The following SKAP1 variants were observed in gnomAD, a reference collection of about 807,000 sequenced individuals.
The protein encoded by SKAP1 is src kinase-associated phosphoprotein 1.
In SKAP1, 44 loss-of-function variants were observed where a neutral mutation model predicts 58.5. The ratio of observed to expected loss-of-function variants is 0.75; its 90% CI spans 0.59 to 0.97. The LOEUF is 0.97. Ranked by LOEUF, SKAP1 falls within the 50% of genes least tolerant of loss-of-function variation. SKAP1 has a pLI of 0.00. For synonymous variants in SKAP1, 127 were observed against 149.7 expected, an observed-to-expected ratio of 0.85 and a Z score of 1.11; for missense variants, 390 against 435.2, an observed-to-expected ratio of 0.90 and a Z score of 0.92.
intron 10 of SKAP1, 51 bp downstream of exon 10, chr17:48,170,558 A>AT: frequency 2.0e-6 from 3 of 1,479,334 alleles, no homozygotes; most frequent in Non-Finnish European, 2.8e-6. Context: ...TTCTCTAATC[A>AT]GAAGCCCATA....
At chr17:48,213,363 A>G (rs1270944922) in intron 4 of SKAP1, among the ~76,000 whole-genome samples, 1 of 151,820 alleles carries the variant, frequency 6.6e-6, no homozygotes, top group African/African-American at 2.4e-5. Flanking sequence ...AAAAAAAAAA[A>G]AAAAAAGCTG....
chr17:48,332,791 T>C (rs937905960), intron 4 of SKAP1, among the ~76,000 whole-genome samples: 1 of 152,190 alleles, frequency 6.6e-6, no homozygotes, highest in Admixed American at 6.5e-5. Context: ...TATTGGAATT[T>C]CAATAATTCA....
At chr17:48,382,181 TA>T (rs11285092) in intron 2 of SKAP1, among the ~76,000 whole-genome samples, 25,212 of 137,408 alleles carry the variant, frequency 0.18, 2,126 homozygotes, top group Non-Finnish European at 0.2. Context: ...CTATTATTCT[TA>T]AAAAAAAAAA....
intron 9 of SKAP1, among the ~76,000 whole-genome samples, chr17:48,177,117 G>A (rs534187654): frequency 2.0e-5 from 3 of 152,106 alleles, no homozygotes; most frequent in African/African-American, 4.8e-5. Context: ...ACCTGGCCTC[G>A]TAGTCAAAAT....
At chr17:48,285,924 A>C (rs1895655399) in intron 4 of SKAP1, among the ~76,000 whole-genome samples, 1 of 152,228 alleles carries the variant, frequency 6.6e-6, no homozygotes. Flanking sequence ...AAGTGTCCAC[A>C]TTGATGAAAT....
intron 4 of SKAP1, among the ~76,000 whole-genome samples, chr17:48,292,576 G>A (rs1025930008): frequency 2.0e-5 from 3 of 152,012 alleles, no homozygotes; most frequent in African/African-American, 4.8e-5. Context: ...GTATTTACAA[G>A]ATTATTAAAT....
chr17:48,318,483 C>T (rs1236612445), intron 4 of SKAP1, among the ~76,000 whole-genome samples: 1 of 152,168 alleles, frequency 6.6e-6, no homozygotes, highest in African/African-American at 2.4e-5. Context: ...GCTGTCATCA[C>T]CGTCACAATT....
At chr17:48,222,939 C>T (rs2065021387) in intron 4 of SKAP1, among the ~76,000 whole-genome samples, 1 of 150,830 alleles carries the variant, frequency 6.6e-6, no homozygotes, top group Admixed American at 6.6e-5. Context: ...AGGTGAGTGC[C>T]TGTAATCCCA....
At chr17:48,156,290 TG>T (rs949847428) in intron 11 of SKAP1, 1 of 184,902 alleles carries the variant, frequency 5.4e-6, no homozygotes, top group African/African-American at 2.3e-5. Flanking sequence ...GAAATTAAAA[TG>T]CAGCTGAGTG....
the SKAP1 span, among the ~76,000 whole-genome samples, chr17:48,443,041 C>T: frequency 6.6e-6 from 1 of 152,118 alleles, no homozygotes; most frequent in South Asian, 2.1e-4. Flanking sequence ...ATGAGTCATA[C>T]CCACTCCCAC....
chr17:48,382,220 A>G (rs901860425), intron 2 of SKAP1, among the ~76,000 whole-genome samples: 66 of 151,896 alleles, frequency 4.3e-4, no homozygotes, highest in Middle Eastern at 3.4e-3. Context: ...AGGGGAAGGG[A>G]TAGCATTAGG....
intron 4 of SKAP1, among the ~76,000 whole-genome samples, chr17:48,225,285 T>C (rs1310245719): frequency 1.3e-5 from 2 of 152,200 alleles, no homozygotes; most frequent in Non-Finnish European, 2.9e-5. Context: ...ATTTTAAAAA[T>C]CAATGAATTA....
chr17:48,251,450 C>T (rs1404162010), intron 4 of SKAP1, among the ~76,000 whole-genome samples: 1 of 152,090 alleles, frequency 6.6e-6, no homozygotes, highest in Non-Finnish European at 1.5e-5. Flanking sequence ...TTATGCAAAG[C>T]CTTGTTGTCA....
chr17:48,261,350 A>G (rs1204199750), intron 4 of SKAP1, among the ~76,000 whole-genome samples: 1 of 152,190 alleles, frequency 6.6e-6, no homozygotes, highest in Non-Finnish European at 1.5e-5. Flanking sequence ...AGCCTTAAAA[A>G]GAAATGTGGC....
chr17:48,416,275 T>G (rs964293472), intron 1 of SKAP1, among the ~76,000 whole-genome samples: 4 of 152,176 alleles, frequency 2.6e-5, no homozygotes, highest in South Asian at 4.1e-4. Context: ...CTGAATACTT[T>G]GAAGCAGTTA....
Position 48,378,350 on chromosome 17 carries a change from T to C in SKAP1, c.153-14536A>G, listed in dbSNP as rs796171098. On this transcript the variant is annotated intron_variant, in intron 2 of 12. Transcript: ENST00000336915. ...TTTTGCTGCAGCCTTAGTTTCCTCA[T>C]CTTTAAAACAGAAATAATAACCACA... Among the ~76,000 whole-genome samples the C allele has an allele frequency of 4.2e-4, 64 of 152,310 alleles. 1 individual carries two copies. Among genetic ancestry groups the C allele is most frequent in the African/African-American group, 1.5e-3 (64 of 41,568 alleles).
chr17:48,427,228 G>A (rs574834409), intron 1 of SKAP1, among the ~76,000 whole-genome samples: 26 of 152,122 alleles, frequency 1.7e-4, no homozygotes, highest in Non-Finnish European at 2.6e-4. Context: ...TGGTTTTCAA[G>A]CAAAAATGGG....
intron 4 of SKAP1, among the ~76,000 whole-genome samples, chr17:48,340,272 A>G (rs958124588): frequency 1.3e-5 from 2 of 152,200 alleles, no homozygotes; most frequent in Non-Finnish European, 2.9e-5. Flanking sequence ...AGTTCTAGGA[A>G]TAGGATTTCA....
At chr17:48,415,306 T>C (rs2067718976) in intron 1 of SKAP1, among the ~76,000 whole-genome samples, 1 of 151,472 alleles carries the variant, frequency 6.6e-6, no homozygotes, top group Non-Finnish European at 1.5e-5. Context: ...TTTTTGTCTA[T>C]GGGGAAAAGG....
Sources: allele counts gnomAD v4.1 joint callset (sites outside exome capture counted in the v4.1 genomes callset), GRCh38; gene constraint gnomAD v4.1.1; transcripts MANE v1.5; gene names NCBI Gene and HGNC (gene_info 2026-07-23, HGNC 2026-07-21).